FBLN7: variants seen among roughly 807,000 people sequenced by gnomAD.
FBLN7 encodes the protein fibulin-7.
In FBLN7, 31 loss-of-function variants were observed where a neutral mutation model predicts 44.0. That is an observed-to-expected ratio of 0.70 (90% CI 0.53 to 0.95). FBLN7 has a LOEUF of 0.95. Among genes scored for constraint, FBLN7 ranks in the 40% least tolerant of loss-of-function variants. The pLI, the probability that FBLN7 is intolerant of heterozygous loss-of-function variation, is 0.00. For synonymous variants in FBLN7, 262 were observed against 253.4 expected, an observed-to-expected ratio of 1.03 and a Z score of -0.32; for missense variants, 573 against 618.5, an observed-to-expected ratio of 0.93 and a Z score of 0.78.
At chr2:112,219,736 T>C in the FBLN7 span, among the ~76,000 whole-genome samples, 7 of 152,252 alleles carry the variant, frequency 4.6e-5, no homozygotes, top group African/African-American at 1.4e-4. Flanking sequence ...ATGAGCAGAA[T>C]GTACATTCTG....
intron 3 of FBLN7, among the ~76,000 whole-genome samples, chr2:112,167,080 G>A (rs761540965): frequency 2.0e-5 from 3 of 152,212 alleles, no homozygotes; most frequent in Admixed American, 1.3e-4. Flanking sequence ...ACCTGCCCAC[G>A]CACCCCCAAG....
intron 3 of FBLN7, among the ~76,000 whole-genome samples, chr2:112,168,310 A>G (rs1461502765): frequency 6.6e-6 from 1 of 152,232 alleles, no homozygotes; most frequent in Non-Finnish European, 1.5e-5. Flanking sequence ...AAACTTGGGA[A>G]GGACTAACTC....
chr2:112,200,954 T>C, the FBLN7 span, among the ~76,000 whole-genome samples: 122 of 152,376 alleles, frequency 8.0e-4, 1 homozygote, highest in African/African-American at 2.6e-3. Context: ...ATGATGAATA[T>C]TGAGCAAGTG....
chr2:112,226,479 C>T, the FBLN7 span, among the ~76,000 whole-genome samples: 100 of 150,708 alleles, frequency 6.6e-4, no homozygotes, highest in African/African-American at 2.4e-3. Context: ...GTCCCAGCTA[C>T]TCAGGAAGCT....
chr2:112,207,240 G>C, the FBLN7 span, among the ~76,000 whole-genome samples: 127 of 152,256 alleles, frequency 8.3e-4, no homozygotes, highest in Non-Finnish European at 1.5e-3. Flanking sequence ...GCAGAGGCAG[G>C]CGGATCACCT....
chr2:112,160,817 CACACAAGCACGCAT>C (rs1181927518), intron 2 of FBLN7, among the ~76,000 whole-genome samples: 9 of 148,804 alleles, frequency 6.0e-5, no homozygotes, highest in African/African-American at 2.3e-4. Flanking sequence ...CACACACGCA[CACACAAGCACGCAT>C]ACACGCACGC....
At chr2:112,204,059 T>C in the FBLN7 span, among the ~76,000 whole-genome samples, 1 of 152,048 alleles carries the variant, frequency 6.6e-6, no homozygotes, top group East Asian at 1.9e-4. Flanking sequence ...TCAAAAAAAG[T>C]AAAGAAAACC....
the FBLN7 span, among the ~76,000 whole-genome samples, chr2:112,207,223 T>C: frequency 6.6e-6 from 1 of 152,100 alleles, no homozygotes; most frequent in Non-Finnish European, 1.5e-5. Flanking sequence ...TCCCAGTACT[T>C]TGGGAGGCAG....
intron 1 of FBLN7, among the ~76,000 whole-genome samples, chr2:112,155,557 G>C (rs764175367): frequency 6.6e-6 from 1 of 152,200 alleles, no homozygotes; most frequent in Non-Finnish European, 1.5e-5. Context: ...ACCTTCCCTC[G>C]GCAAGTCAGC....
At chr2:112,155,823 A>G (rs1186104897) in intron 1 of FBLN7, among the ~76,000 whole-genome samples, 1 of 152,134 alleles carries the variant, frequency 6.6e-6, no homozygotes, top group Non-Finnish European at 1.5e-5. Flanking sequence ...CAAGTAGAAG[A>G]CAAGACCCTG....
chr2:112,150,939 G>T (rs187177157), intron 1 of FBLN7, among the ~76,000 whole-genome samples: 1 of 152,334 alleles, frequency 6.6e-6, no homozygotes, highest in Admixed American at 6.5e-5. Context: ...GCGGGGTGCT[G>T]CATTGGAGGG....
intron 1 of FBLN7, among the ~76,000 whole-genome samples, chr2:112,144,628 G>A (rs1164428290): frequency 1.3e-5 from 2 of 150,526 alleles, no homozygotes; most frequent in African/African-American, 4.9e-5. Context: ...GGGTTCAAGC[G>A]ATTCTCCTGC....
rs1192698720 is a variant in FBLN7, at chr2:112,185,241, G to C, written c.849G>C (p.Gln283His). ...TGGGCCTGCAGCCGGTGTGCCCCCAGGGGACCACATGCATCAACACCGGTG... is the reference window on the plus strand; with the variant it reads ...TGGGCCTGCAGCCGGTGTGCCCCCACGGGACCACATGCATCAACACCGGTG... ...ECVGLQPVCP[Q>H]GTTCINTGGS... Residue 283 changes from glutamine to histidine, a missense_variant, in exon 7 of 8, where the codon CAG (glutamine) becomes CAC (histidine). Physicochemically the swap from Gln to His is conservative, Grantham distance 24 (BLOSUM62 0). Transcript: ENST00000331203. 1.2e-6 allele frequency: 2 copies of C among 1,613,952 alleles called. No homozygotes were observed. Among genetic ancestry groups the C allele is most frequent in the East Asian group, 4.5e-5 (2 of 44,868 alleles).
At chr2:112,236,643 C>G in the FBLN7 span, 1 of 1,613,854 alleles carries the variant, frequency 6.2e-7, no homozygotes, top group Admixed American at 1.7e-5. Context: ...TCATTTTCTT[C>G]TGTTTGCCAT....
chr2:112,234,044 G>A, the FBLN7 span: 2 of 828,748 alleles, frequency 2.4e-6, no homozygotes, highest in Non-Finnish European at 3.6e-6. Flanking sequence ...AAAACCTAAA[G>A]GTATGAATTA....
chr2:112,184,422 G>C (rs1411257230), intron 6 of FBLN7, among the ~76,000 whole-genome samples: 1 of 152,102 alleles, frequency 6.6e-6, no homozygotes, highest in Admixed American at 6.5e-5. Flanking sequence ...CATCCAGATA[G>C]CCACCCACAC....
chr2:112,189,003 A>G (rs922130563), downstream of FBLN7: 5 of 152,286 alleles, frequency 3.3e-5, no homozygotes, highest in Admixed American at 2.0e-4. Context: ...GGAAGAGTCT[A>G]AGGGCCTGGC....
At chr2:112,145,168 T>G (rs1473225058) in intron 1 of FBLN7, among the ~76,000 whole-genome samples, 4 of 152,230 alleles carry the variant, frequency 2.6e-5, no homozygotes, top group African/African-American at 9.6e-5. Context: ...CTCATTGCGG[T>G]TTTAATTTCC....
intron 1 of FBLN7, among the ~76,000 whole-genome samples, chr2:112,140,867 A>G (rs1680611336): frequency 6.6e-6 from 1 of 152,162 alleles, no homozygotes; most frequent in African/African-American, 2.4e-5. Context: ...AAACACATAT[A>G]CAGGCGGCTT....
Sources: allele counts gnomAD v4.1 joint callset (sites outside exome capture counted in the v4.1 genomes callset), GRCh38; gene constraint gnomAD v4.1.1; transcripts MANE v1.5; gene names NCBI Gene and HGNC (gene_info 2026-07-23, HGNC 2026-07-21).